CDKN2B-AS1: variants seen among roughly 807,000 people sequenced by gnomAD.
CDKN2B-AS1 encodes the protein CDKN2B antisense RNA 1 (non-protein coding).
chr9:22,054,657 T>G (rs1326911540), intron 3 of CDKN2B-AS1, among the ~76,000 whole-genome samples: 1 of 151,664 alleles, frequency 6.6e-6, no homozygotes, highest in African/African-American at 2.4e-5. Context: ...TGAAAACCTG[T>G]GTTCTTTCAG....
intron 4 of CDKN2B-AS1, among the ~76,000 whole-genome samples, chr9:22,068,872 C>G (rs961615754): frequency 1.3e-5 from 2 of 152,266 alleles, no homozygotes; most frequent in South Asian, 4.1e-4. Context: ...AAGTAGTAGC[C>G]ACATCCAAGT....
intron 4 of CDKN2B-AS1, among the ~76,000 whole-genome samples, chr9:22,074,667 G>C (rs1824426236): frequency 6.6e-6 from 1 of 152,176 alleles, no homozygotes; most frequent in Non-Finnish European, 1.5e-5. Flanking sequence ...CGACTTTCTT[G>C]GGACTATTAT....
chr9:21,997,258 G>T lies in CDKN2B-AS1; in HGVS notation n.29+2097G>T, dbSNP rs1201477424. 1.3e-5 allele frequency among the ~76,000 whole-genome samples: 2 copies of T among 152,092 alleles called. No individual in the cohort carries two copies. Among genetic ancestry groups the T allele is most frequent in the African/African-American group, 4.8e-5 (2 of 41,400 alleles). ...TTATATCTAAACACATCTAAACATA[G>T]AAAAGGTAGTATGTTGTGCTACAAC... On this transcript the variant is annotated intron_variant and non_coding_transcript_variant, in intron 1 of 4. Transcript: ENST00000650946. The surrounding 1 kb of genome is among the most constrained non-coding windows in gnomAD (Gnocchi z 4.8).
At chr9:22,026,908 C>T (rs1822262930) in intron 1 of CDKN2B-AS1, among the ~76,000 whole-genome samples, 1 of 152,088 alleles carries the variant, frequency 6.6e-6, no homozygotes, top group Non-Finnish European at 1.5e-5. Flanking sequence ...AGTGTGGATT[C>T]CCAGAGTTGC....
intron 4 of CDKN2B-AS1, among the ~76,000 whole-genome samples, chr9:22,103,131 A>ATGTGTGTGTGTGTG (rs3221506): frequency 1.5e-3 from 203 of 132,512 alleles, no homozygotes; most frequent in Non-Finnish European, 2.1e-3. Context: ...TCTAGAACAG[A>ATGTGTGTGTGTGTG]TGTGTGTGTG....
At chr9:22,054,213 G>A (rs2131286872) in intron 3 of CDKN2B-AS1, among the ~76,000 whole-genome samples, 1 of 152,288 alleles carries the variant, frequency 6.6e-6, no homozygotes, top group African/African-American at 2.4e-5. Flanking sequence ...AAGAAGTGAA[G>A]TTAAGTAACT....
At chr9:22,092,773 G>T (rs987497765) in intron 4 of CDKN2B-AS1, among the ~76,000 whole-genome samples, 6 of 152,074 alleles carry the variant, frequency 3.9e-5, no homozygotes, top group African/African-American at 1.4e-4. Context: ...CAAAAAACCA[G>T]CTCCTGGATT....
intron 3 of CDKN2B-AS1, chr9:22,056,234 A>ATTTTTTTTTTTTTTT (rs1554671373): frequency 5.1e-5 from 5 of 98,280 alleles, no homozygotes; most frequent in South Asian, 7.4e-4. Context: ...ATATATATAT[A>ATTTTTTTTTTTTTTT]TTTTTTTTTT....
intron 4 of CDKN2B-AS1, among the ~76,000 whole-genome samples, chr9:22,097,542 G>A (rs1268496918): frequency 6.6e-6 from 1 of 152,068 alleles, no homozygotes; most frequent in Non-Finnish European, 1.5e-5. Flanking sequence ...TACTTACAAG[G>A]CCCACATCAC....
In CDKN2B-AS1 at chr9:21,999,620, T is replaced by A. The variant is rs1308634715; in HGVS notation, n.29+4459T>A. Among the ~76,000 whole-genome samples the A allele has an allele frequency of 1.3e-5, 2 of 152,130 alleles. No individual in the cohort carries two copies. The highest frequency in any genetic ancestry group is 2.9e-5 in the Non-Finnish European group (2 of 67,986). ...TAAAGCAATTCACTCCTATATAAATTGCTACAGATAACTTGTATAAGTATG... is the reference window on the plus strand; with the variant it reads ...TAAAGCAATTCACTCCTATATAAATAGCTACAGATAACTTGTATAAGTATG... On this transcript the variant is annotated intron_variant and non_coding_transcript_variant, in intron 1 of 4. Transcript: ENST00000650946. The surrounding 1 kb of genome is among the most constrained non-coding windows in gnomAD (Gnocchi z 4.7).
chr9:22,048,306 T>C (rs190386040), intron 2 of CDKN2B-AS1, among the ~76,000 whole-genome samples: 1 of 152,188 alleles, frequency 6.6e-6, no homozygotes, highest in East Asian at 1.9e-4. Flanking sequence ...AAGGGAGAGA[T>C]CTGGTTAAAG....
Position 22,126,613 on chromosome 9 carries a change from G to T in CDKN2B-AS1, n.439-490G>T, listed in dbSNP as rs150668756. ...TTTTTTTTGAGACGGAGTCTCGCTC[G>T]CCCAGGCCGACTGCAGTGGCGCTAT... On this transcript the variant is annotated intron_variant and non_coding_transcript_variant, in intron 4 of 4. Coordinates refer to ENST00000650946, the Ensembl canonical transcript of CDKN2B-AS1. 8.8e-3 allele frequency among the ~76,000 whole-genome samples: 1,092 copies of T among 124,756 alleles called. 18 individuals carry two copies. The highest frequency in any genetic ancestry group is 0.031 in the African/African-American group (1,006 of 31,964). The allele number at this position is 124,756 out of a possible 152,430, so 81.8% of individuals were successfully genotyped here.
chr9:22,023,088 T>C (rs911673934), intron 1 of CDKN2B-AS1, among the ~76,000 whole-genome samples: 2 of 152,294 alleles, frequency 1.3e-5, no homozygotes, highest in East Asian at 1.9e-4. Flanking sequence ...GAGAATATGA[T>C]GATTATGTGT....
At chr9:21,998,576 A>C (rs527849764) in intron 1 of CDKN2B-AS1, among the ~76,000 whole-genome samples, 1 of 152,334 alleles carries the variant, frequency 6.6e-6, no homozygotes, top group African/African-American at 2.4e-5. Flanking sequence ...GAATCACTGA[A>C]TATTGGAAGT....
intron 1 of CDKN2B-AS1, among the ~76,000 whole-genome samples, chr9:22,040,793 A>G (rs1822866798): frequency 6.6e-6 from 1 of 152,066 alleles, no homozygotes; most frequent in African/African-American, 2.4e-5. Flanking sequence ...TGTAACATAA[A>G]ACTCCCATGC....
rs1483931454 is a variant in CDKN2B-AS1, at chr9:22,097,003, C to T, written n.439-30100C>T. On this transcript the variant is annotated intron_variant and non_coding_transcript_variant, in intron 4 of 4. Transcript: ENST00000650946. ...TTGTGTCCTATATGGTGTAGAAAAC[C>T]AGCTCAGGCTCCCACTTCTCTGGGC... is the stretch of plus-strand genomic sequence containing the variant. Among the ~76,000 whole-genome samples the T allele has an allele frequency of 3.3e-5, 5 of 152,268 alleles. No individual in the cohort carries two copies. In the East Asian group the frequency reaches 7.7e-4, roughly 23 times the overall value.
intron 4 of CDKN2B-AS1, among the ~76,000 whole-genome samples, chr9:22,061,423 T>G (rs1823814084): frequency 6.6e-6 from 1 of 152,146 alleles, no homozygotes. Context: ...TATAAGAAAG[T>G]GAGGGTTGAG....
In CDKN2B-AS1 at chr9:22,001,100, C is replaced by T. The variant is rs1483776413; in HGVS notation, n.29+5939C>T. ...ATTCGTTTAAAATGGAATGGAGACC[C>T]AGAGGTCACATAAGACAGGGTTCAG... On this transcript the variant is annotated intron_variant and non_coding_transcript_variant, in intron 1 of 4. Transcript: ENST00000650946. The surrounding 1 kb of genome is among the most constrained non-coding windows in gnomAD (Gnocchi z 4.2). Among the ~76,000 whole-genome samples the T allele has an allele frequency of 1.3e-5, 2 of 152,052 alleles. No homozygotes were observed. Among genetic ancestry groups the T allele is most frequent in the Non-Finnish European group, 2.9e-5 (2 of 67,992 alleles).
At chr9:22,103,253 A>G (rs1825552855) in intron 4 of CDKN2B-AS1, among the ~76,000 whole-genome samples, 1 of 151,420 alleles carries the variant, frequency 6.6e-6, no homozygotes, top group African/African-American at 2.4e-5. Context: ...TGACTGGGCA[A>G]TTATGTCATT....
Sources: gnomAD v4.1 joint callset for allele counts (sites outside exome capture counted in the v4.1 genomes callset) on GRCh38, gnomAD v4.1.1 for gene constraint, Gnocchi (gnomAD v3.1) non-coding constraint, MANE v1.5 for transcripts, NCBI Gene and HGNC (gene_info 2026-07-23, HGNC 2026-07-21) for gene names.